Variants in HSPG2 observed in about 807,000 individuals in gnomAD.
HSPG2 encodes the protein heparan sulfate proteoglycan 2, also known as basement membrane-specific heparan sulfate proteoglycan core protein.
Under a neutral mutation model 526.6 loss-of-function variants are expected in HSPG2, and 278 were observed. That is an observed-to-expected ratio of 0.53 (90% CI 0.48 to 0.58). The LOEUF is 0.58. HSPG2 is among the 20% of genes least tolerant of loss of function. The pLI, the probability that HSPG2 is intolerant of heterozygous loss-of-function variation, is 0.00. For synonymous variants in HSPG2, 2,465 were observed against 2,555.4 expected, an observed-to-expected ratio of 0.96 and a Z score of 1.07; for missense variants, 5,354 against 6,099.5, an observed-to-expected ratio of 0.88 and a Z score of 4.07.
chr1:21,918,346 T>G (rs1643938963), intron 1 of HSPG2, among the ~76,000 whole-genome samples: 1 of 151,746 alleles, frequency 6.6e-6, no homozygotes, highest in Admixed American at 6.6e-5. Flanking sequence ...ACACCTGTAG[T>G]CCCAGCTTCT....
intron 1 of HSPG2, among the ~76,000 whole-genome samples, chr1:21,903,096 G>A (rs1000913041): frequency 2.6e-5 from 4 of 152,198 alleles, no homozygotes; most frequent in African/African-American, 7.2e-5. Context: ...ACAGAAGAAA[G>A]CTAACTTCAG....
At chr1:21,936,592 A>T (rs1644495642) in intron 1 of HSPG2, among the ~76,000 whole-genome samples, 1 of 152,170 alleles carries the variant, frequency 6.6e-6, no homozygotes, top group Non-Finnish European at 1.5e-5. Flanking sequence ...GCAGGGATTG[A>T]TTCAACTCTT....
rs143437991 is a variant in HSPG2, at chr1:21,850,049, G to A, written c.7438C>T (p.Arg2480Trp). Reference sequence around the variant, plus strand: ...GAGCTCCTGCCTCCTACCTGGTGCCGGGCCGGGAGGCTGCCCCCGCGCTTG... The same window carrying A: ...GAGCTCCTGCCTCCTACCTGGTGCCAGGCCGGGAGGCTGCCCCCGCGCTTG... ...WHKRGGSLPA[R>W]HQVHGSRLRL... Residue 2480 changes from arginine (R) to tryptophan (W), a missense_variant, in exon 57 of 97, where the codon CGG becomes TGG. Physicochemically the swap from Arg to Trp is moderately radical, Grantham distance 101. Coordinates refer to ENST00000374695, the MANE Select transcript of HSPG2 (RefSeq NM_005529.7). 2.6e-4 allele frequency: 418 copies of A among 1,613,134 alleles called. 3 individuals are homozygous for A. The East Asian group carries it at 6.1e-3, about 24-fold the overall frequency.
chr1:21,919,440 A>AG (rs1454663596), intron 1 of HSPG2, among the ~76,000 whole-genome samples: 2 of 151,764 alleles, frequency 1.3e-5, no homozygotes, highest in Non-Finnish European at 2.9e-5. Context: ...AAAAAAAAAA[A>AG]AAGTCTCAAA....
In HSPG2 at chr1:21,873,916, CT is replaced by C. The variant is rs749310915; in HGVS notation, c.3743+8del. The C allele has an allele frequency of 1.5e-5, 23 of 1,573,152 alleles. No homozygotes were observed. The East Asian group carries it at 1.6e-4, about 11-fold the overall frequency. ...CGCATCCCCCCACCCTCTCCACCCC[CT>C]GCCTCACCTCTCACAGTGACGCCCA... On this transcript the variant is annotated splice_region_variant and intron_variant, in intron 29 of 96. Transcript: ENST00000374695.
chr1:21,865,924 ACCCCCCT>A lies in HSPG2; in HGVS notation c.4222-122_4222-116del. On this transcript the variant is annotated intron_variant, in intron 33 of 96. Transcript: ENST00000374695. This position sits in a 1 kb window ranked among gnomAD's most constrained non-coding sequence, Gnocchi z 5.4. Reference sequence around the variant, plus strand: ...TTTTGCACCTGTGCCACACTCCCCCACCCCCCTCCCTGCCCAAACCAAGAGGCCAGGG... The same window carrying A: ...TTTTGCACCTGTGCCACACTCCCCCACCCTGCCCAAACCAAGAGGCCAGGG... 1.4e-6 allele frequency: 1 copy of A among 730,770 alleles called. No homozygotes were observed. The highest frequency in any genetic ancestry group is 2.4e-6 in the Non-Finnish European group (1 of 420,290). The allele number at this position is 730,770 out of a possible 1,614,324, so 45.3% of individuals were successfully genotyped here.
intron 62 of HSPG2, 33 bp from the exon 63 acceptor site, chr1:21,846,632 C>A (rs765050437): frequency 1.2e-6 from 2 of 1,612,980 alleles, no homozygotes; most frequent in African/African-American, 2.7e-5. Context: ...GTCGGCACAG[C>A]CGTTGTCAGA....
Position 21,875,989 on chromosome 1 carries a change from C to T in HSPG2, c.3057G>A (p.Pro1019=), listed in dbSNP as rs369784018. The change falls in exon 24 of 97, where the codon CCG becomes CCA. Residue 1019 remains proline (P), a synonymous_variant. Transcript: ENST00000374695. ...LRFTVTQRSQ[P]GSTPLHGQPL... ...GCTGCCCGTGCAGGGGTGTGGAGCC[C>T]GGCTGGGACCTCTGGGTCACTGTGA... 124 of 1,614,032 alleles carry T rather than the reference C, an allele frequency of 7.7e-5. No individual in the cohort carries two copies. Among genetic ancestry groups the T allele is most frequent in the Middle Eastern group, 3.3e-4 (2 of 6,084 alleles).
Position 21,828,921 on chromosome 1 carries a change from G to T in HSPG2, c.12151C>A (p.Leu4051Met), listed in dbSNP as rs867802593. ...GKSQGLNLHT[L>M]LYLGGVEPSV... ...GGCTCCACACCCCCCAGGTAGAGCA[G>T]GGTGTGCAGGTTGAGGCCCTGGCTC... is the stretch of plus-strand genomic sequence containing the variant. The change falls in exon 88 of 97, where the codon CTG becomes ATG. Residue 4051 changes from leucine (L) to methionine (M), a missense_variant. Leu to Met is a conservative substitution (Grantham distance 15). Transcript: ENST00000374695. The surrounding 1 kb of genome is among the most constrained non-coding windows in gnomAD (Gnocchi z 6.0). The T allele has an allele frequency of 6.4e-7, 1 of 1,566,460 alleles. No homozygotes were observed. Among genetic ancestry groups the T allele is most frequent in the African/African-American group, 1.4e-5 (1 of 73,942 alleles).
At position 21,839,695 on chromosome 1, in the gene HSPG2, T is replaced by C. The variant is rs1174617957; in HGVS notation, c.9709+127A>G. 6 of 1,371,924 alleles carry C rather than the reference T, an allele frequency of 4.4e-6. No homozygotes were observed. In the East Asian group the frequency reaches 7.4e-5, roughly 17 times the overall value. 85.0% of individuals were successfully genotyped at this position (1,371,924 alleles called of 1,614,324 possible). On this transcript the variant is annotated intron_variant, in intron 72 of 96. Coordinates refer to ENST00000374695, the MANE Select transcript of HSPG2 (RefSeq NM_005529.7). The surrounding 1 kb of genome is among the most constrained non-coding windows in gnomAD (Gnocchi z 4.5). ...TTCCTCGGCCATCACTGGGGGATGCTAGCAACACGGTCTCCCCGTACTCCC... is the reference window on the plus strand; with the variant it reads ...TTCCTCGGCCATCACTGGGGGATGCCAGCAACACGGTCTCCCCGTACTCCC...
intron 84 of HSPG2, 56 bp from the exon 85 acceptor site, chr1:21,831,146 C>T (rs144882139): frequency 1.2e-6 from 2 of 1,605,388 alleles, no homozygotes; most frequent in Non-Finnish European, 8.5e-7. Flanking sequence ...CCCATAATCC[C>T]CACAGGGGCC....
chr1:21,870,244 T>A, intron 33 of HSPG2: 2 of 986,130 alleles, frequency 2.0e-6, no homozygotes, highest in Non-Finnish European at 2.4e-6. Flanking sequence ...GTCCCTGCCC[T>A]CTGGGGGCTC....
chr1:21,906,476 G>A (rs1572421500), intron 1 of HSPG2, among the ~76,000 whole-genome samples: 1 of 152,324 alleles, frequency 6.6e-6, no homozygotes, highest in East Asian at 1.9e-4. Context: ...CTGTAAGGAA[G>A]AAGAGGAAGG....
chr1:21,908,240 T>C (rs923351273), intron 1 of HSPG2: 5 of 1,001,886 alleles, frequency 5.0e-6, no homozygotes, highest in Non-Finnish European at 7.9e-6. Flanking sequence ...ATGGGTACTG[T>C]TCAAAAAGGA....
At chr1:21,829,965 T>G (rs1291548714) in intron 86 of HSPG2, 28 bp downstream of exon 86, 17 of 1,569,336 alleles carry the variant, frequency 1.1e-5, no homozygotes, top group Non-Finnish European at 1.5e-5. Flanking sequence ...ACTAGGACCC[T>G]GGGGGTCTCA....
intron 55 of HSPG2, among the ~76,000 whole-genome samples, chr1:21,851,034 G>A (rs905678667): frequency 6.6e-6 from 1 of 150,902 alleles, no homozygotes; most frequent in Non-Finnish European, 1.5e-5. Context: ...GTGCAATGGC[G>A]TGATCTTGGC....
At chr1:21,910,765 G>A (rs139776721) in intron 1 of HSPG2, among the ~76,000 whole-genome samples, 4 of 152,074 alleles carry the variant, frequency 2.6e-5, no homozygotes, top group East Asian at 3.9e-4. Context: ...TACCCTCGAT[G>A]GTAACGTTGC....
rs764271677 is a variant in HSPG2, at chr1:21,876,042, C to A, written c.3004G>T (p.Val1002Leu). ...SLPSRFLGDK[V>L]TSYGGELRFT... The stretch of plus-strand genomic sequence containing the variant: ...CGCAGCTCTCCTCCATAGGAGGTCA[C>A]CTGGGACCAGGGTTAGACAGGAGCT... Residue 1002 changes from valine to leucine, a missense_variant and splice_region_variant, in exon 24 of 97, where the codon GTG (valine) becomes TTG (leucine). Transcript: ENST00000374695. The A allele has an allele frequency of 6.2e-7, 1 of 1,613,896 alleles. No individual in the cohort carries two copies. The highest frequency in any genetic ancestry group is 8.5e-7 in the Non-Finnish European group (1 of 1,179,918).
At position 21,865,636 on chromosome 1, in the gene HSPG2, A is replaced by T. The variant is rs1640165337; in HGVS notation, c.4314+81T>A. ...CCAGAAAACTGAGTGCTGGATGGAA[A>T]GGACAAAGGACAAATGCCGAGGGTG... On this transcript the variant is annotated intron_variant, in intron 34 of 96. Transcript: ENST00000374695. The surrounding 1 kb of genome is among the most constrained non-coding windows in gnomAD (Gnocchi z 5.4). The T allele has an allele frequency of 8.4e-7, 1 of 1,196,098 alleles. No individual in the cohort carries two copies. The highest frequency in any genetic ancestry group is 1.2e-6 in the Non-Finnish European group (1 of 800,760). 74.1% of individuals were successfully genotyped at this position (1,196,098 alleles called of 1,614,324 possible). A position where few individuals can be genotyped will look rare whatever the true frequency, so the allele number is the denominator to read the frequency against.
Sources: gnomAD v4.1 joint callset for allele counts (sites outside exome capture counted in the v4.1 genomes callset) on GRCh38, gnomAD v4.1.1 for gene constraint, Gnocchi (gnomAD v3.1) non-coding constraint, MANE v1.5 for transcripts, NCBI Gene and HGNC (gene_info 2026-07-23, HGNC 2026-07-21) for gene names.